Variants in RAI1 observed in about 807,000 individuals in gnomAD.
RAI1 encodes retinoic acid induced 1, also known as retinoic acid-induced protein 1.
Under a neutral mutation model 123.8 loss-of-function variants are expected in RAI1, and 9 were observed. The ratio of observed to expected loss-of-function variants is 0.07; its 90% CI spans 0.04 to 0.13. The LOEUF is 0.13. Among genes scored for constraint, RAI1 ranks in the 10% least tolerant of loss-of-function variants. The pLI, the probability that RAI1 is intolerant of heterozygous loss-of-function variation, is 1.00. For missense variants in RAI1, 2,256 were observed against 2,545.8 expected (o/e 0.89, Z 2.45); for synonymous variants, 1,231 against 1,127.3 (o/e 1.09, Z -1.84).
intron 1 of RAI1, among the ~76,000 whole-genome samples, chr17:17,710,306 C>T (rs1042589559): frequency 2.0e-5 from 3 of 152,220 alleles, no homozygotes; most frequent in Admixed American, 6.5e-5. Context: ...CTACCCAGGA[C>T]CCCTTGTGGG....
intron 1 of RAI1, among the ~76,000 whole-genome samples, chr17:17,697,354 C>T (rs1169459367): frequency 3.3e-5 from 5 of 152,202 alleles, no homozygotes; most frequent in East Asian, 1.9e-4. Flanking sequence ...GGCATGGGCA[C>T]GCCATGCCCT....
At chr17:17,786,763 G>A (rs2143000168) in intron 2 of RAI1, among the ~76,000 whole-genome samples, 1 of 152,364 alleles carries the variant, frequency 6.6e-6, no homozygotes, top group South Asian at 2.1e-4. Context: ...GCTGGGGCCA[G>A]ACAGTCCTGT....
chr17:17,806,608 A>G (rs1330911825), intron 4 of RAI1, among the ~76,000 whole-genome samples: 1 of 152,220 alleles, frequency 6.6e-6, no homozygotes, highest in Non-Finnish European at 1.5e-5. Context: ...TTAGTTCTCA[A>G]AAGGGCGTGA....
At chr17:17,682,276 G>A (rs1262182571) in intron 1 of RAI1, among the ~76,000 whole-genome samples, 2 of 151,856 alleles carry the variant, frequency 1.3e-5, no homozygotes, top group Non-Finnish European at 2.9e-5. Context: ...GCCATCGCTT[G>A]GGAGTCAGGG....
intron 2 of RAI1, among the ~76,000 whole-genome samples, chr17:17,731,719 G>A (rs1179797094): frequency 6.6e-6 from 1 of 152,124 alleles, no homozygotes; most frequent in African/African-American, 2.4e-5. Flanking sequence ...TGGAGCTGCT[G>A]TGCAGGCCTA....
At chr17:17,725,442 T>C (rs926888415) in intron 2 of RAI1, among the ~76,000 whole-genome samples, 3 of 152,034 alleles carry the variant, frequency 2.0e-5, no homozygotes, top group Admixed American at 1.3e-4. Flanking sequence ...AGGAGAGTGG[T>C]GGGAACTTCT....
At chr17:17,684,480 T>C (rs1384413095) in intron 1 of RAI1, 2 of 151,830 alleles carry the variant, frequency 1.3e-5, no homozygotes, top group Non-Finnish European at 2.9e-5. Flanking sequence ...ATGCAACAAA[T>C]GTTAATTGCA....
rs571220863 is a variant in RAI1 at position 17,753,940 on chromosome 17, T to G, written c.-17+29781T>G. 4.6e-5 allele frequency among the ~76,000 whole-genome samples: 7 copies of G among 152,342 alleles called. No individual in the cohort carries two copies. In the East Asian group the frequency reaches 1.2e-3, roughly 25 times the overall value. On this transcript the variant is annotated intron_variant, in intron 2 of 5. Transcript: ENST00000353383. ...AAAAATGTGCTTGTCCACACACACT[T>G]CAACTTTGCATTGGATCTCAAGGTC...
chr17:17,739,112 G>A (rs990623872), intron 2 of RAI1, among the ~76,000 whole-genome samples: 5 of 152,210 alleles, frequency 3.3e-5, no homozygotes, highest in Admixed American at 2.6e-4. Context: ...GTGAAGAACG[G>A]GAGTGAGGCC....
intron 2 of RAI1, among the ~76,000 whole-genome samples, chr17:17,740,184 T>C (rs1916574723): frequency 6.6e-6 from 1 of 152,164 alleles, no homozygotes; most frequent in African/African-American, 2.4e-5. Context: ...CCCTTGGGCT[T>C]CTCTGTGCTC....
rs190379514 is a variant in RAI1, at chr17:17,754,399, G to C, written c.-17+30240G>C. Among the ~76,000 whole-genome samples, 340 of 152,004 alleles carry C rather than the reference G, an allele frequency of 2.2e-3. 3 individuals carry two copies. The highest frequency in any genetic ancestry group is 8.1e-3 in the African/African-American group (334 of 41,446). On this transcript the variant is annotated intron_variant, in intron 2 of 5. Coordinates refer to ENST00000353383, the MANE Select transcript of RAI1 (RefSeq NM_030665.4). The stretch of plus-strand genomic sequence containing the variant: ...TTACAGGCATGCGCCACCACACCTG[G>C]CTAATTTTGTATTTTTAGTAGAGAC...
rs59561809 is a variant in RAI1, at chr17:17,800,186, C to CTCTGTCTG, written c.5565+1676_5565+1677insGTCTGTCT. ...CTGCTTTCTGTCTCTCTCTGTCTCT[C>CTCTGTCTG]TCTCTCTCTCTCTCTCTCTCTCTCT... On this transcript the variant is annotated intron_variant, in intron 3 of 5. Transcript: ENST00000353383. The surrounding 1 kb of genome is among the most constrained non-coding windows in gnomAD (Gnocchi z 4.7). 1.8e-5 allele frequency among the ~76,000 whole-genome samples: 1 copy of CTCTGTCTG among 55,558 alleles called. No homozygotes were observed. Among genetic ancestry groups the CTCTGTCTG allele is most frequent in the Non-Finnish European group, 3.4e-5 (1 of 29,644 alleles). 36.4% of individuals were successfully genotyped at this position (55,558 alleles called of 152,430 possible).
At chr17:17,773,165 T>C (rs1234132319) in intron 2 of RAI1, among the ~76,000 whole-genome samples, 1 of 152,108 alleles carries the variant, frequency 6.6e-6, no homozygotes, top group East Asian at 1.9e-4. Context: ...AGGTGGTCTA[T>C]GAGGTGAGTC....
At chr17:17,699,628 CCG>C (rs1491449359) in intron 1 of RAI1, among the ~76,000 whole-genome samples, 1 of 21,550 alleles carries the variant, frequency 4.6e-5, no homozygotes, top group African/African-American at 2.3e-4. Context: ...TGTCGGGGGG[CCG>C]GGGGGGGGGG....
At chr17:17,742,556 T>A (rs1429709559) in intron 2 of RAI1, among the ~76,000 whole-genome samples, 1 of 152,226 alleles carries the variant, frequency 6.6e-6, no homozygotes, top group Non-Finnish European at 1.5e-5. Flanking sequence ...TGGCACTGAA[T>A]TCACTGGAAA....
At chr17:17,781,952 G>A (rs1271567120) in intron 2 of RAI1, among the ~76,000 whole-genome samples, 1 of 152,190 alleles carries the variant, frequency 6.6e-6, no homozygotes, top group African/African-American at 2.4e-5. Context: ...CGGGGCCCCG[G>A]GCCGGCCGCC....
At chr17:17,711,769 A>G (rs1480578032) in intron 1 of RAI1, among the ~76,000 whole-genome samples, 2 of 152,202 alleles carry the variant, frequency 1.3e-5, no homozygotes, top group Non-Finnish European at 2.9e-5. Flanking sequence ...TAGGGCCCAG[A>G]TATCAGGCAG....
intron 1 of RAI1, among the ~76,000 whole-genome samples, chr17:17,703,125 C>A (rs187085605): frequency 3.3e-4 from 50 of 152,314 alleles, no homozygotes; most frequent in Middle Eastern, 6.8e-3. Context: ...ATCACTCTTC[C>A]TCCCAACCTG....
At chr17:17,804,417 G>T (rs141290300) in intron 4 of RAI1, among the ~76,000 whole-genome samples, 1 of 152,152 alleles carries the variant, frequency 6.6e-6, no homozygotes, top group Non-Finnish European at 1.5e-5. Flanking sequence ...CATTTGTTCC[G>T]CAAGCATTTG....
Sources: gnomAD v4.1 joint callset for allele counts (sites outside exome capture counted in the v4.1 genomes callset) on GRCh38, gnomAD v4.1.1 for gene constraint, Gnocchi (gnomAD v3.1) non-coding constraint, MANE v1.5 for transcripts, NCBI Gene and HGNC (gene_info 2026-07-23, HGNC 2026-07-21) for gene names.